MYO9A: variants seen among roughly 807,000 people sequenced by gnomAD.
MYO9A encodes myosin IXA, also known as unconventional myosin-IXa.
A neutral mutation model predicts 293.3 loss-of-function variants in MYO9A; 103 were observed. The ratio of observed to expected loss-of-function variants is 0.35; its 90% CI spans 0.30 to 0.41. The LOEUF (loss-of-function observed/expected upper bound fraction) is 0.41, where lower values mean the gene tolerates loss of function less well. MYO9A is among the 10% of genes least tolerant of loss of function. MYO9A has a pLI of 1.00. For synonymous variants in MYO9A, 1,001 were observed against 1,035.7 expected (o/e 0.97, Z 0.64); for missense variants, 2,685 against 3,033.0 (o/e 0.89, Z 2.69).
intron 8 of MYO9A, among the ~76,000 whole-genome samples, chr15:72,004,020 G>T (rs1205596523): frequency 6.6e-6 from 1 of 152,082 alleles, no homozygotes; most frequent in African/African-American, 2.4e-5. Context: ...ATTGTACATA[G>T]ATCTACGCAT....
chr15:71,994,511 A>T lies in MYO9A; in HGVS notation c.1545T>A (p.Asn515Lys). The T allele has an allele frequency of 1.2e-6, 2 of 1,612,008 alleles. No individual in the cohort carries two copies. Among genetic ancestry groups the T allele is most frequent in the Non-Finnish European group, 1.7e-6 (2 of 1,179,312 alleles). ...AATCTTTACTATTCAGAAGTGCATG[A>T]TTAATTCGAAAAACTATCCAGTCAA... ...ALFDWIVFRI[N>K]HALLNSKDLE... The change falls in exon 10 of 42, where the codon AAT becomes AAA. Residue 515 changes from asparagine to lysine, a missense_variant. By Grantham distance (94) the Asn-to-Lys change is moderately conservative (BLOSUM62 0). Around this residue, in one of 10 missense-constraint regions of MYO9A, gnomAD observed 201 missense variants for 245.2 expected, o/e 0.82. Coordinates refer to ENST00000356056, the MANE Select transcript of MYO9A (RefSeq NM_006901.4).
chr15:71,924,108 T>C (rs1373781284), intron 18 of MYO9A, among the ~76,000 whole-genome samples: 1 of 152,140 alleles, frequency 6.6e-6, no homozygotes, highest in Non-Finnish European at 1.5e-5. Context: ...GACTCATTTG[T>C]AGTTCAGAAG....
chr15:71,941,603 A>T (rs2058776711), intron 15 of MYO9A, among the ~76,000 whole-genome samples: 1 of 152,234 alleles, frequency 6.6e-6, no homozygotes, highest in South Asian at 2.1e-4. Flanking sequence ...AGCAGAAAAA[A>T]TTTTTGAAAA....
At chr15:72,051,579 T>G (rs2078565737) in intron 1 of MYO9A, among the ~76,000 whole-genome samples, 1 of 152,046 alleles carries the variant, frequency 6.6e-6, no homozygotes, top group South Asian at 2.1e-4. Flanking sequence ...TCAGAGGTGT[T>G]TGCTCCCACT....
intron 1 of MYO9A, among the ~76,000 whole-genome samples, chr15:72,084,560 T>C (rs1320791573): frequency 2.0e-5 from 3 of 152,236 alleles, no homozygotes; most frequent in South Asian, 2.1e-4. Context: ...TGCTTTATAG[T>C]GTCACTGGTC....
intron 7 of MYO9A, 122 bp downstream of exon 7, chr15:72,010,228 A>G (rs2077133781): frequency 4.7e-6 from 3 of 641,972 alleles, no homozygotes; most frequent in Admixed American, 5.6e-5. Flanking sequence ...CTCGAGATGG[A>G]TGAGGTACTA....
intron 1 of MYO9A, among the ~76,000 whole-genome samples, chr15:72,098,784 C>T (rs1162469199): frequency 1.3e-5 from 2 of 151,682 alleles, no homozygotes; most frequent in African/African-American, 4.8e-5. Flanking sequence ...CCAGCCTGGG[C>T]AATATAATGA....
At chr15:71,938,806 T>C (rs1430850453) in intron 16 of MYO9A, 46 bp downstream of exon 16, 6 of 1,452,832 alleles carry the variant, frequency 4.1e-6, no homozygotes, top group East Asian at 2.3e-5. Flanking sequence ...AGAATGTTAG[T>C]TATTTCTTCT....
chr15:72,098,638 A>C (rs894770303), intron 1 of MYO9A, among the ~76,000 whole-genome samples: 2 of 152,208 alleles, frequency 1.3e-5, no homozygotes, highest in African/African-American at 4.8e-5. Context: ...AAGATAAAAA[A>C]GAATTGCAAA....
intron 39 of MYO9A, among the ~76,000 whole-genome samples, chr15:71,845,585 A>G (rs112221365): frequency 0.032 from 4,894 of 152,294 alleles, 186 homozygotes; most frequent in African/African-American, 0.088. Flanking sequence ...CATACAAGCA[A>G]TTGTGGGTTC....
chr15:72,070,770 C>G (rs1297852440), intron 1 of MYO9A, among the ~76,000 whole-genome samples: 1 of 152,196 alleles, frequency 6.6e-6, no homozygotes, highest in Non-Finnish European at 1.5e-5. Flanking sequence ...ACCAACTGAT[C>G]TTCAATAAAG....
chr15:72,053,499 G>A (rs2078632446), intron 1 of MYO9A, among the ~76,000 whole-genome samples: 1 of 152,192 alleles, frequency 6.6e-6, no homozygotes, highest in Admixed American at 6.5e-5. Flanking sequence ...ATGAGATAAT[G>A]TCCTTTATAG....
At position 71,999,875 on chromosome 15, in the gene MYO9A, A is replaced by G. The variant is rs1468479454; in HGVS notation, c.1446T>C (p.Leu482=). ...TRKTVTVGEK[L]ILPYKLAEAV... The stretch of plus-strand genomic sequence containing the variant: ...CCTCTGCCAACTTGTATGGCAAAAT[A>G]AGCTTTTCTCCCACTGTCACCGTCT... Residue 482 remains leucine (L), a synonymous_variant, in exon 9 of 42, where the codon CTT becomes CTC. Coordinates refer to ENST00000356056, the MANE Select transcript of MYO9A (RefSeq NM_006901.4). The G allele has an allele frequency of 1.2e-6, 2 of 1,611,960 alleles. No individual in the cohort carries two copies. The highest frequency in any genetic ancestry group is 2.7e-5 in the African/African-American group (2 of 74,836).
intron 1 of MYO9A, among the ~76,000 whole-genome samples, chr15:72,059,061 C>G (rs2078804171): frequency 6.6e-6 from 1 of 152,074 alleles, no homozygotes; most frequent in African/African-American, 2.4e-5. Flanking sequence ...TGAAGGGAGG[C>G]ACAGGATGCA....
intron 15 of MYO9A, among the ~76,000 whole-genome samples, chr15:71,943,836 C>T (rs957333826): frequency 6.6e-6 from 1 of 152,168 alleles, no homozygotes; most frequent in African/African-American, 2.4e-5. Flanking sequence ...GAGATTCATA[C>T]GTAAAAGTCT....
rs568446263 is a variant in MYO9A, at chr15:71,822,903, C to T, written c.*3677G>A. 1 of 152,232 alleles carries T rather than the reference C, an allele frequency of 6.6e-6. No homozygotes were observed. Among genetic ancestry groups the T allele is most frequent in the Non-Finnish European group, 1.5e-5 (1 of 68,022 alleles). 9.4% of individuals were successfully genotyped at this position (152,232 alleles called of 1,614,324 possible). A position where few individuals can be genotyped will look rare whatever the true frequency, so the allele number is the denominator to read the frequency against. On this transcript the variant is annotated 3_prime_UTR_variant, in exon 42 of 42. Transcript: ENST00000356056. ...TCAATACCCAATCAAATGTGGGAGT[C>T]ATTCCAGAGAAAAGTGGTTAAAAGT...
At chr15:71,903,102 AGTGT>A (rs749979082) in intron 21 of MYO9A, 39 bp from the exon 22 acceptor site, 1 of 1,526,888 alleles carries the variant, frequency 6.5e-7, no homozygotes, top group Non-Finnish European at 9.0e-7. Context: ...ATCAGAAAAC[AGTGT>A]ATGTAAACAA....
At chr15:72,082,596 T>C (rs770192703) in intron 1 of MYO9A, among the ~76,000 whole-genome samples, 1 of 152,112 alleles carries the variant, frequency 6.6e-6, no homozygotes, top group Admixed American at 6.6e-5. Flanking sequence ...TAGGCAGTGA[T>C]GGAGGGCATT....
intron 14 of MYO9A, among the ~76,000 whole-genome samples, chr15:71,953,409 G>A (rs1376268219): frequency 2.6e-5 from 4 of 152,112 alleles, no homozygotes; most frequent in Non-Finnish European, 5.9e-5. Flanking sequence ...AAACAATCAC[G>A]CCTTTCAACA....
Sources: gnomAD v4.1 joint callset for allele counts (sites outside exome capture counted in the v4.1 genomes callset) on GRCh38, gnomAD v4.1.1 for gene constraint, gnomAD v4.1.1 regional missense constraint, MANE v1.5 for transcripts, NCBI Gene and HGNC (gene_info 2026-07-23, HGNC 2026-07-21) for gene names.